Variants in RNF38 observed in about 807,000 individuals in gnomAD.
RNF38 encodes E3 ubiquitin-protein ligase RNF38.
RNF38 carries 15 observed loss-of-function variants against 67.2 expected under a neutral mutation model. The observed-to-expected ratio is 0.22, with a 90% CI of 0.15 to 0.34. The LOEUF (loss-of-function observed/expected upper bound fraction) is 0.34, where lower values mean the gene tolerates loss of function less well. Ranked by LOEUF, RNF38 falls within the 10% of genes least tolerant of loss-of-function variation. The pLI is 1.00. For synonymous variants in RNF38, 220 were observed against 218.8 expected (o/e 1.01, Z -0.05); for missense variants, 524 against 639.9 (o/e 0.82, Z 1.95).
intron 1 of RNF38, among the ~76,000 whole-genome samples, chr9:36,464,070 A>G (rs1839801715): frequency 6.6e-6 from 1 of 152,072 alleles, no homozygotes; most frequent in African/African-American, 2.4e-5. Context: ...AGGTTGAGGC[A>G]GGAGAATGGC....
chr9:36,360,573 A>G (rs1265265988), intron 4 of RNF38, among the ~76,000 whole-genome samples: 1 of 152,164 alleles, frequency 6.6e-6, no homozygotes, highest in Non-Finnish European at 1.5e-5. Context: ...TCGGTGCTCA[A>G]AAAGTTAGAT....
At chr9:36,390,665 G>A in intron 1 of RNF38, 49 bp from the exon 2 acceptor site, 2 of 1,585,740 alleles carry the variant, frequency 1.3e-6, no homozygotes, top group Non-Finnish European at 1.7e-6. Context: ...CTGCACCAAT[G>A]TGGAGAATCA....
intron 1 of RNF38, among the ~76,000 whole-genome samples, chr9:36,486,966 C>G (rs2134474629): frequency 6.6e-6 from 1 of 152,032 alleles, no homozygotes; most frequent in East Asian, 2.0e-4. Flanking sequence ...CCAGGGTGGC[C>G]CTGGGTCCCA....
At chr9:36,481,833 G>A (rs887212897) in intron 1 of RNF38, among the ~76,000 whole-genome samples, 35 of 152,096 alleles carry the variant, frequency 2.3e-4, no homozygotes, top group African/African-American at 8.5e-4. Flanking sequence ...GAAACAGCAG[G>A]AAGCGTAAAC....
rs1838278151 is a variant in RNF38 at position 36,409,787 on chromosome 9, C to T, written n.312+14826G>A. On this transcript the variant is annotated intron_variant and non_coding_transcript_variant, in intron 2 of 3. Transcript: ENST00000488058. Reference sequence around the variant, plus strand: ...CTCCACAAACCCTGTATCCTCCTGCCCGTGCCACATTCTACAGGCCCTCCA... The same window carrying T: ...CTCCACAAACCCTGTATCCTCCTGCTCGTGCCACATTCTACAGGCCCTCCA... 2.0e-5 allele frequency among the ~76,000 whole-genome samples: 3 copies of T among 152,160 alleles called. No individual in the cohort carries two copies. The South Asian group carries it at 6.2e-4, about 32-fold the overall frequency.
intron 2 of RNF38, 71 bp from the exon 3 acceptor site, chr9:36,376,198 G>T: frequency 3.6e-6 from 4 of 1,116,092 alleles, no homozygotes; most frequent in Non-Finnish European, 5.0e-6. Flanking sequence ...ATATGCACAG[G>T]TGTTAGGATG....
At chr9:36,455,767 T>C (rs1471339973) in intron 1 of RNF38, among the ~76,000 whole-genome samples, 1 of 150,260 alleles carries the variant, frequency 6.7e-6, no homozygotes, top group African/African-American at 2.5e-5. Context: ...CTACTAAAAG[T>C]ACAAAAATTA....
In RNF38 at chr9:36,342,392, C is replaced by G; in HGVS notation, c.1418G>C (p.Arg473Thr). The change falls in exon 11 of 12, where the codon AGG (arginine) becomes ACG (threonine). Residue 473 changes from arginine (R) to threonine (T), a missense_variant. By Grantham distance (71) the Arg-to-Thr change is moderately conservative (BLOSUM62 -1). Around this residue, in one of 2 missense-constraint regions of RNF38, gnomAD observed 63 missense variants for 122.5 expected, o/e 0.51. Coordinates refer to ENST00000259605, the MANE Select transcript of RNF38 (RefSeq NM_022781.5). ...ACAGGGTAAGACTCTAAGTAGCTGC[C>G]TTGACTCAAAATCACACATGCATAC... ...CVVCMCDFESRQLLRVLPCNH... is the reference protein window; with the variant it reads ...CVVCMCDFESTQLLRVLPCNH... The G allele has an allele frequency of 6.2e-7, 1 of 1,613,826 alleles. No homozygotes were observed. The highest frequency in any genetic ancestry group is 8.5e-7 in the Non-Finnish European group (1 of 1,179,812).
chr9:36,480,015 G>A (rs943090277), intron 1 of RNF38, among the ~76,000 whole-genome samples: 2 of 152,064 alleles, frequency 1.3e-5, no homozygotes, highest in African/African-American at 4.8e-5. Context: ...GTCTCACTCT[G>A]TCGCCCAGGC....
intron 1 of RNF38, among the ~76,000 whole-genome samples, chr9:36,445,869 T>G (rs887225004): frequency 6.6e-6 from 1 of 152,196 alleles, no homozygotes; most frequent in African/African-American, 2.4e-5. Flanking sequence ...GTATTCAGAT[T>G]CTTCTCCCTT....
chr9:36,343,786 G>C (rs1385200373), intron 10 of RNF38, among the ~76,000 whole-genome samples: 2 of 152,148 alleles, frequency 1.3e-5, no homozygotes, highest in East Asian at 3.9e-4. Flanking sequence ...AGTGAAAGAT[G>C]CTAGACACAA....
upstream of RNF38, among the ~76,000 whole-genome samples, chr9:36,403,113 T>C (rs1424144183): frequency 6.6e-6 from 1 of 152,222 alleles, no homozygotes; most frequent in Admixed American, 6.5e-5. Flanking sequence ...AATTTATTTC[T>C]TAACCAGAAA....
At chr9:36,344,739 C>T in intron 10 of RNF38, 93 bp downstream of exon 10, 1 of 1,251,930 alleles carries the variant, frequency 8.0e-7, no homozygotes, top group Non-Finnish European at 1.1e-6. Flanking sequence ...TTTTTTATTT[C>T]CTCTCCCAAC....
chr9:36,345,057 G>T, intron 9 of RNF38, 104 bp from the exon 10 acceptor site: 1 of 1,231,714 alleles, frequency 8.1e-7, no homozygotes. Context: ...CCAGGCTAGA[G>T]TATAGCGGCT....
intron 1 of RNF38, among the ~76,000 whole-genome samples, chr9:36,483,245 G>A (rs898768252): frequency 2.6e-5 from 4 of 152,060 alleles, no homozygotes; most frequent in Non-Finnish European, 5.9e-5. Context: ...AATTATCCGG[G>A]CATGGTGGCA....
intron 2 of RNF38, among the ~76,000 whole-genome samples, chr9:36,381,220 A>G (rs1016173636): frequency 3.9e-5 from 6 of 152,242 alleles, no homozygotes; most frequent in African/African-American, 1.4e-4. Context: ...GTCTCTTTAC[A>G]TGAGTAAATA....
exon 1 of RNF38, chr9:36,487,369 G>C: frequency 1.0e-6 from 1 of 984,060 alleles, no homozygotes; most frequent in Non-Finnish European, 1.2e-6. Context: ...GAGGCCCGTG[G>C]CCCGGAGGGC....
At chr9:36,430,291 C>G (rs868825843) in intron 1 of RNF38, among the ~76,000 whole-genome samples, 4 of 152,158 alleles carry the variant, frequency 2.6e-5, no homozygotes, top group Admixed American at 6.5e-5. Flanking sequence ...ACTACAACCT[C>G]CTCCTCCCGG....
chr9:36,436,967 T>C (rs1564062547), intron 1 of RNF38, among the ~76,000 whole-genome samples: 1 of 152,206 alleles, frequency 6.6e-6, no homozygotes, highest in Non-Finnish European at 1.5e-5. Flanking sequence ...GAAGGCAGTT[T>C]TCTACCACCA....
Sources: allele counts gnomAD v4.1 joint callset (sites outside exome capture counted in the v4.1 genomes callset), GRCh38; gene constraint gnomAD v4.1.1; regional missense constraint gnomAD v4.1.1; transcripts MANE v1.5; gene names NCBI Gene and HGNC (gene_info 2026-07-23, HGNC 2026-07-21).